Variants in EXOC2 observed in about 807,000 individuals in gnomAD.
EXOC2 encodes exocyst complex component 2.
In EXOC2, 70 loss-of-function variants were observed where a neutral mutation model predicts 131.8. That is an observed-to-expected ratio of 0.53 (90% CI 0.44 to 0.65). The LOEUF (loss-of-function observed/expected upper bound fraction) is 0.65, where lower values mean the gene tolerates loss of function less well. EXOC2 is among the 30% of genes least tolerant of loss of function. The pLI, the probability that EXOC2 is intolerant of heterozygous loss-of-function variation, is 0.00. For missense variants in EXOC2, 923 were observed against 1,108.6 expected (o/e 0.83, Z 2.38); for synonymous variants, 411 against 398.4 (o/e 1.03, Z -0.38).
chr6:690,488 A>T (rs1000634808), intron 1 of EXOC2, among the ~76,000 whole-genome samples: 1 of 152,100 alleles, frequency 6.6e-6, no homozygotes, highest in African/African-American at 2.4e-5. Flanking sequence ...AGGTGGGTGG[A>T]TCACGAGGTC....
intron 17 of EXOC2, among the ~76,000 whole-genome samples, chr6:557,482 G>A (rs1383950363): frequency 2.6e-5 from 4 of 151,980 alleles, no homozygotes; most frequent in African/African-American, 9.7e-5. Context: ...GCCAGGCGTG[G>A]TGGCACGCGC....
At chr6:510,067 C>G (rs566820509) in intron 23 of EXOC2, among the ~76,000 whole-genome samples, 14 of 151,886 alleles carry the variant, frequency 9.2e-5, no homozygotes, top group Admixed American at 5.9e-4. Context: ...TATTCAATTA[C>G]ACTCTGAACA....
Position 673,404 on chromosome 6 carries a change from G to C in EXOC2, c.-44+19615C>G, listed in dbSNP as rs138999563. On this transcript the variant is annotated intron_variant, in intron 1 of 27. Transcript: ENST00000230449. The stretch of plus-strand genomic sequence containing the variant: ...CTCAACAGTATTTGGCTTAACAGAA[G>C]TTAAGCTATGAAACTGCAGCAGTGT... 2.2e-4 allele frequency among the ~76,000 whole-genome samples: 34 copies of C among 152,034 alleles called. No homozygotes were observed. The East Asian group carries it at 6.0e-3, about 27-fold the overall frequency.
chr6:654,242 G>GA (rs1762956834), intron 1 of EXOC2, among the ~76,000 whole-genome samples: 1 of 152,148 alleles, frequency 6.6e-6, no homozygotes, highest in African/African-American at 2.4e-5. Flanking sequence ...TATTATTTCA[G>GA]AAATAAATTT....
chr6:560,119 C>G (rs999921960), intron 17 of EXOC2, among the ~76,000 whole-genome samples: 1 of 152,130 alleles, frequency 6.6e-6, no homozygotes, highest in African/African-American at 2.4e-5. Flanking sequence ...ATCATAGTAG[C>G]CCAGTGATCA....
chr6:496,494 T>C (rs999995145), intron 25 of EXOC2, among the ~76,000 whole-genome samples: 2 of 152,274 alleles, frequency 1.3e-5, no homozygotes, highest in Non-Finnish European at 2.9e-5. Context: ...ATGGAGAGAC[T>C]CCTCTATGGG....
chr6:529,473 TGAC>T (rs1765947702), intron 23 of EXOC2, among the ~76,000 whole-genome samples: 1 of 152,226 alleles, frequency 6.6e-6, no homozygotes, highest in Non-Finnish European at 1.5e-5. Context: ...GAGATTTCAG[TGAC>T]GACAGAGAAG....
At chr6:610,020 C>T (rs1490489004) in intron 7 of EXOC2, 78 bp downstream of exon 7, 11 of 1,273,020 alleles carry the variant, frequency 8.6e-6, no homozygotes, top group East Asian at 7.0e-5. Context: ...CCTTGTCCCG[C>T]GATATCAGGT....
chr6:558,590 T>C (rs992499023), intron 17 of EXOC2, among the ~76,000 whole-genome samples: 3 of 152,080 alleles, frequency 2.0e-5, no homozygotes, highest in Non-Finnish European at 4.4e-5. Flanking sequence ...GGCGGGTGGA[T>C]TGCTTGAGGT....
At chr6:499,218 T>C (rs752997212) in intron 24 of EXOC2, among the ~76,000 whole-genome samples, 1 of 152,192 alleles carries the variant, frequency 6.6e-6, no homozygotes, top group African/African-American at 2.4e-5. Context: ...AGTGTCTGCC[T>C]TTCTGGAATC....
At chr6:621,183 A>G (rs1275323369) in intron 4 of EXOC2, among the ~76,000 whole-genome samples, 2 of 152,110 alleles carry the variant, frequency 1.3e-5, no homozygotes, top group African/African-American at 4.8e-5. Context: ...CACCCCTAAA[A>G]TGCAGCCACC....
Position 564,664 on chromosome 6 carries a change from A to G in EXOC2, c.1548T>C (p.Leu516=), listed in dbSNP as rs2127585637. ...TGAGGGGAAGCAGGGCTCCGCGGGT[A>G]AGCTTCACCAGGGAGTGCATTACTT... ...IQEVMHSLVK[L]TRGALLPLSI... The change falls in exon 15 of 28, where the codon CTT becomes CTC. Residue 516 remains leucine (L), a synonymous_variant. Transcript: ENST00000230449. The G allele has an allele frequency of 1.2e-6, 2 of 1,609,352 alleles. No individual in the cohort carries two copies. The highest frequency in any genetic ancestry group is 4.5e-5 in the East Asian group (2 of 44,758).
At position 623,721 on chromosome 6, in the gene EXOC2, A is replaced by G. The variant is rs560865928; in HGVS notation, c.423-4178T>C. ...CCACCATAAGCCAACCGCGCTTGTC[A>G]TATTCCCCCTGCTCTTGATTGGATA... On this transcript the variant is annotated intron_variant, in intron 4 of 27. Coordinates refer to ENST00000230449, the MANE Select transcript of EXOC2 (RefSeq NM_018303.6). Among the ~76,000 whole-genome samples, 3 of 152,322 alleles carry G rather than the reference A, an allele frequency of 2.0e-5. No homozygotes were observed. The South Asian group carries it at 6.2e-4, about 32-fold the overall frequency.
intron 4 of EXOC2, among the ~76,000 whole-genome samples, chr6:624,012 T>A (rs534157781): frequency 4.1e-4 from 62 of 152,312 alleles, no homozygotes; most frequent in African/African-American, 1.4e-3. Flanking sequence ...ATATTGTATA[T>A]TATGAAAAAG....
intron 25 of EXOC2, among the ~76,000 whole-genome samples, chr6:496,012 AT>A (rs1332667571): frequency 6.6e-6 from 1 of 152,134 alleles, no homozygotes; most frequent in Non-Finnish European, 1.5e-5. Flanking sequence ...TTAAAAATTC[AT>A]CTACTGTGTT....
intron 10 of EXOC2, among the ~76,000 whole-genome samples, chr6:595,538 G>T (rs1369048060): frequency 2.6e-5 from 4 of 151,882 alleles, no homozygotes; most frequent in African/African-American, 9.7e-5. Context: ...TAGTTAAAAG[G>T]CTCCTTAAAA....
At chr6:529,942 A>T (rs891065470) in intron 23 of EXOC2, among the ~76,000 whole-genome samples, 1 of 152,270 alleles carries the variant, frequency 6.6e-6, no homozygotes, top group African/African-American at 2.4e-5. Flanking sequence ...GGTGCAAGGT[A>T]ATACATTGTT....
chr6:647,096 C>T (rs1283219664), intron 1 of EXOC2, among the ~76,000 whole-genome samples: 1 of 152,104 alleles, frequency 6.6e-6, no homozygotes, highest in Non-Finnish European at 1.5e-5. Context: ...AAATTAGGCT[C>T]CACTGAGTGG....
chr6:507,530 G>A (rs962411476), intron 23 of EXOC2, among the ~76,000 whole-genome samples: 27 of 152,224 alleles, frequency 1.8e-4, no homozygotes, highest in Admixed American at 7.8e-4. Flanking sequence ...AATTGTTCAG[G>A]CAAACAGCAA....
Sources: allele counts gnomAD v4.1 joint callset (sites outside exome capture counted in the v4.1 genomes callset), GRCh38; gene constraint gnomAD v4.1.1; transcripts MANE v1.5; gene names NCBI Gene and HGNC (gene_info 2026-07-23, HGNC 2026-07-21).